Variants in PCDHA11 observed in about 807,000 individuals in gnomAD.
PCDHA11 encodes protocadherin alpha-11.
A neutral mutation model predicts 70.3 loss-of-function variants in PCDHA11; 61 were observed. The observed-to-expected ratio is 0.87, with a 90% CI of 0.71 to 1.07. PCDHA11 has a LOEUF of 1.07. Among genes scored for constraint, PCDHA11 ranks in the 50% least tolerant of loss-of-function variants. The probability of loss-of-function intolerance (pLI) is 0.00; values close to 1 mark genes in which losing one functional copy is unlikely to be tolerated. For missense variants in PCDHA11, 1,324 were observed against 1,237.5 expected (o/e 1.07, Z -1.05); for synonymous variants, 633 against 555.1 (o/e 1.14, Z -1.97).
intron 1 of PCDHA11, chr5:140,876,187 G>A (rs1554168344): frequency 1.9e-6 from 3 of 1,613,842 alleles, no homozygotes; most frequent in African/African-American, 2.7e-5. Context: ...GAATGACAAT[G>A]GTCCGGCGTT....
At chr5:140,992,038 TG>T (rs2097488764) in intron 3 of PCDHA11, among the ~76,000 whole-genome samples, 1 of 151,828 alleles carries the variant, frequency 6.6e-6, no homozygotes, top group African/African-American at 2.4e-5. Context: ...TGTGTGTGTG[TG>T]TGTGTGTGTG....
At chr5:140,903,427 A>G (rs1030133179) in intron 1 of PCDHA11, among the ~76,000 whole-genome samples, 9 of 152,208 alleles carry the variant, frequency 5.9e-5, no homozygotes, top group African/African-American at 1.9e-4. Context: ...TCAGCACAAT[A>G]TGTATCAGTG....
intron 1 of PCDHA11, chr5:140,884,640 A>G: frequency 6.2e-7 from 1 of 1,610,250 alleles, no homozygotes; most frequent in East Asian, 2.2e-5. Context: ...CAGAGGGAGG[A>G]GGACTCAGAA....
chr5:140,982,765 C>T (rs1345701735), intron 3 of PCDHA11, among the ~76,000 whole-genome samples: 2 of 151,722 alleles, frequency 1.3e-5, no homozygotes, highest in African/African-American at 2.4e-5. Flanking sequence ...AAAAGGATAA[C>T]AAGGAAAGTG....
intron 1 of PCDHA11, among the ~76,000 whole-genome samples, chr5:140,894,577 T>A (rs1409232453): frequency 4.6e-5 from 7 of 152,030 alleles, no homozygotes; most frequent in African/African-American, 9.6e-5. Flanking sequence ...TCCTTTTTTT[T>A]AATATTTTAC....
At chr5:140,986,372 G>T (rs570215048) in intron 3 of PCDHA11, among the ~76,000 whole-genome samples, 10 of 152,248 alleles carry the variant, frequency 6.6e-5, no homozygotes, top group African/African-American at 1.2e-4. Flanking sequence ...ATGCGTTTTG[G>T]GGGGAGGGAC....
chr5:140,920,630 G>A (rs937787340), intron 1 of PCDHA11, among the ~76,000 whole-genome samples: 1 of 152,060 alleles, frequency 6.6e-6, no homozygotes, highest in Non-Finnish European at 1.5e-5. Flanking sequence ...TGGATCACAA[G>A]GTCAAGAGAT....
At chr5:140,882,080 C>A in intron 1 of PCDHA11, 1 of 970,966 alleles carries the variant, frequency 1.0e-6, no homozygotes, top group Non-Finnish European at 1.5e-6. Flanking sequence ...CATGGTGTCG[C>A]TCTTCACTGA....
intron 3 of PCDHA11, among the ~76,000 whole-genome samples, chr5:140,986,846 A>G (rs782028314): frequency 6.6e-6 from 1 of 152,200 alleles, no homozygotes; most frequent in Non-Finnish European, 1.5e-5. Flanking sequence ...AAGGGGCAGC[A>G]ACACCAACAA....
chr5:140,993,346 G>A (rs2097551194), intron 3 of PCDHA11, among the ~76,000 whole-genome samples: 2 of 151,820 alleles, frequency 1.3e-5, no homozygotes, highest in Non-Finnish European at 1.5e-5. Context: ...AGGGCACTAC[G>A]AAGATCCTCA....
intron 3 of PCDHA11, among the ~76,000 whole-genome samples, chr5:141,004,794 G>A (rs1272334301): frequency 6.6e-6 from 1 of 152,144 alleles, no homozygotes; most frequent in Non-Finnish European, 1.5e-5. Context: ...GGCAGATTCT[G>A]GCTGAGCTCA....
At chr5:140,883,272 C>T in intron 1 of PCDHA11, 1 of 1,613,880 alleles carries the variant, frequency 6.2e-7, no homozygotes, top group Non-Finnish European at 8.5e-7. Context: ...GGTCATTGTA[C>T]CCTTTTGGTG....
chr5:141,010,535 C>G lies in PCDHA11; in HGVS notation c.*598C>G, dbSNP rs1423355739. 1 of 386,620 alleles carries G rather than the reference C, an allele frequency of 2.6e-6. No homozygotes were observed. Among genetic ancestry groups the G allele is most frequent in the African/African-American group, 2.0e-5 (1 of 48,880 alleles). 23.9% of individuals were successfully genotyped at this position (386,620 alleles called of 1,614,324 possible). On this transcript the variant is annotated 3_prime_UTR_variant, in exon 4 of 4. Coordinates refer to ENST00000398640, the MANE Select transcript of PCDHA11 (RefSeq NM_018902.5). ...CAACTCAAGAGGTGGCAGCCACCCT[C>G]TAGGAGACAAAACTACCCCCACTGA...
At chr5:140,905,669 A>G (rs781948009) in intron 1 of PCDHA11, among the ~76,000 whole-genome samples, 11 of 152,228 alleles carry the variant, frequency 7.2e-5, no homozygotes, top group Admixed American at 2.0e-4. Flanking sequence ...ATCCATTAAC[A>G]TGGAACATAT....
chr5:140,927,306 G>T (rs782091835), intron 1 of PCDHA11: 10 of 1,614,040 alleles, frequency 6.2e-6, no homozygotes, highest in Non-Finnish European at 5.9e-6. Context: ...AGTTCCTGAC[G>T]CCCGGAGCCC....
chr5:140,982,596 G>A, intron 3 of PCDHA11, 33 bp downstream of exon 3: 2 of 1,609,850 alleles, frequency 1.2e-6, no homozygotes, highest in South Asian at 2.2e-5. Flanking sequence ...TTCTTTCTTG[G>A]TTTCTGGAAA....
chr5:140,870,846 G>T lies in PCDHA11; in HGVS notation c.1743G>T (p.Pro581=). Residue 581 remains proline (P), a synonymous_variant, in exon 1 of 4, where the codon CCG becomes CCT. Coordinates refer to ENST00000398640, the MANE Select transcript of PCDHA11 (RefSeq NM_018902.5). Reference sequence around the variant, plus strand: ...GAGGCGCAGTTAACAAGCTAGTACCGCGGTCGGTGGGTGCGGGCCACGTGG... The same window carrying T: ...GAGGCGCAGTTAACAAGCTAGTACCTCGGTCGGTGGGTGCGGGCCACGTGG... ...SAGGAVNKLV[P]RSVGAGHVVA... is the part of the protein sequence containing the mutation. 6.2e-7 allele frequency: 1 copy of T among 1,613,860 alleles called. No individual in the cohort carries two copies. Among genetic ancestry groups the T allele is most frequent in the Non-Finnish European group, 8.5e-7 (1 of 1,179,898 alleles).
At chr5:140,927,716 G>T (rs782756674) in intron 1 of PCDHA11, 1 of 1,614,190 alleles carries the variant, frequency 6.2e-7, no homozygotes, top group South Asian at 1.1e-5. Context: ...CTAAGCAACA[G>T]CACGCAAGCA....
intron 3 of PCDHA11, among the ~76,000 whole-genome samples, chr5:141,001,760 G>A (rs2098035777): frequency 6.6e-6 from 1 of 152,146 alleles, no homozygotes; most frequent in South Asian, 2.1e-4. Flanking sequence ...GGTTGATGGC[G>A]GATGGTTTTT....
Sources: allele counts gnomAD v4.1 joint callset (sites outside exome capture counted in the v4.1 genomes callset), GRCh38; gene constraint gnomAD v4.1.1; transcripts MANE v1.5; gene names NCBI Gene and HGNC (gene_info 2026-07-23, HGNC 2026-07-21).